Variants in LDB1 observed in about 807,000 individuals in gnomAD.
LDB1 encodes the protein LIM domain binding 1.
LDB1 carries 6 observed loss-of-function variants against 49.7 expected under a neutral mutation model. The observed-to-expected ratio is 0.12, with a 90% CI of 0.07 to 0.24. LDB1 has a LOEUF of 0.24. LDB1 is among the 10% of genes least tolerant of loss of function. The probability of loss-of-function intolerance (pLI) is 1.00; values close to 1 mark genes in which losing one functional copy is unlikely to be tolerated. For synonymous variants in LDB1, 233 were observed against 202.0 expected (o/e 1.15, Z -1.30); for missense variants, 341 against 561.7 (o/e 0.61, Z 3.97).
At chr10:102,110,158 T>G in intron 6 of LDB1, 115 bp from the exon 7 acceptor site, 1 of 1,186,004 alleles carries the variant, frequency 8.4e-7, no homozygotes. Context: ...TTTTGTCACC[T>G]GCACATTAAA....
At chr10:102,120,005 A>G in intron 1 of LDB1, 81 bp downstream of exon 1, 1 of 1,149,968 alleles carries the variant, frequency 8.7e-7, no homozygotes, top group Non-Finnish European at 1.2e-6. Flanking sequence ...CCCCCCACAC[A>G]AGTTCTCGCC....
At chr10:102,120,605 C>T (rs1172928443), upstream of LDB1, among the ~76,000 whole-genome samples, 2 of 151,670 alleles carry the variant, frequency 1.3e-5, no homozygotes, top group Non-Finnish European at 2.9e-5. Flanking sequence ...GTGCGTGCGC[C>T]GCGCGGCGGG....
At chr10:102,114,576 G>C in intron 1 of LDB1, 7 of 985,564 alleles carry the variant, frequency 7.1e-6, no homozygotes, top group Non-Finnish European at 8.4e-6. Context: ...AGACTCGCAC[G>C]CACTGCCTCG....
In LDB1 at chr10:102,120,195, C is replaced by G. The variant is rs1262793224; in HGVS notation, c.-85G>C. 5.6e-6 allele frequency: 6 copies of G among 1,076,688 alleles called. No homozygotes were observed. Among genetic ancestry groups the G allele is most frequent in the Non-Finnish European group, 6.8e-6 (6 of 888,122 alleles). 66.7% of individuals were successfully genotyped at this position (1,076,688 alleles called of 1,614,324 possible). A position where few individuals can be genotyped will look rare whatever the true frequency, so the allele number is the denominator to read the frequency against. On this transcript the variant is annotated 5_prime_UTR_variant, in exon 1 of 11. Coordinates refer to ENST00000673968, the MANE Select transcript of LDB1 (RefSeq NM_001113407.3). ...CAGGCCGGGCATGAGCCGCCGCCGC[C>G]GCCCGCGGCCCCCGCTGCGCTCGCC...
At chr10:102,105,263 G>T (rs548694058), downstream of LDB1, among the ~76,000 whole-genome samples, 1 of 152,172 alleles carries the variant, frequency 6.6e-6, no homozygotes, top group Non-Finnish European at 1.5e-5. Context: ...GAAGAGTTGG[G>T]GGTGGGGTGC....
In LDB1 at chr10:102,109,726, T is replaced by A; in HGVS notation, c.649-43A>T. On this transcript the variant is annotated intron_variant, in intron 7 of 10. Transcript: ENST00000673968. The surrounding 1 kb of genome is among the most constrained non-coding windows in gnomAD (Gnocchi z 5.8). The stretch of plus-strand genomic sequence containing the variant: ...ACAAGAAAGAACACTGACACCTGGG[T>A]TGCCTCTGCTCACCTGCCCTATCAT... The A allele has an allele frequency of 6.3e-7, 1 of 1,595,314 alleles. No individual in the cohort carries two copies. The highest frequency in any genetic ancestry group is 8.6e-7 in the Non-Finnish European group (1 of 1,163,226).
rs1158016316 is a variant in LDB1, at chr10:102,109,290, C to G, written c.856+94G>C. On this transcript the variant is annotated intron_variant, in intron 9 of 10. Coordinates refer to ENST00000673968, the MANE Select transcript of LDB1 (RefSeq NM_001113407.3). This position sits in a 1 kb window ranked among gnomAD's most constrained non-coding sequence, Gnocchi z 5.8. ...GATCCCAATTTTGTAGACCCGGGAA[C>G]AAGGAAGGGGTGGGGAAAACTTCAA... 6.2e-7 allele frequency: 1 copy of G among 1,603,328 alleles called. No individual in the cohort carries two copies. The highest frequency in any genetic ancestry group is 8.5e-7 in the Non-Finnish European group (1 of 1,174,274).
chr10:102,113,040 C>G lies in LDB1; in HGVS notation c.26-1504G>C, dbSNP rs58416006. Among the ~76,000 whole-genome samples, 37 of 151,764 alleles carry G rather than the reference C, an allele frequency of 2.4e-4. 1 individual carries two copies. The South Asian group carries it at 7.5e-3, about 31-fold the overall frequency. On this transcript the variant is annotated intron_variant, in intron 1 of 10. Coordinates refer to ENST00000673968, the MANE Select transcript of LDB1 (RefSeq NM_001113407.3). ...TTTGCTTCCTTGGGTCCCTAAAACTCGACTGCATTTGGAAGGGTAGCTAGA... is the reference window on the plus strand; with the variant it reads ...TTTGCTTCCTTGGGTCCCTAAAACTGGACTGCATTTGGAAGGGTAGCTAGA...
chr10:102,110,107 T>C (rs2068229857), intron 6 of LDB1, 64 bp from the exon 7 acceptor site: 2 of 1,539,892 alleles, frequency 1.3e-6, no homozygotes, highest in East Asian at 4.5e-5. Context: ...GTATGTCTAT[T>C]ACAGTCTCCC....
intron 6 of LDB1, 38 bp from the exon 7 acceptor site, chr10:102,110,081 C>A: frequency 6.3e-7 from 1 of 1,594,508 alleles, no homozygotes. Context: ...CCCCTCCCCA[C>A]ATACCATACC....
At chr10:102,119,704 G>C (rs184478442) in intron 1 of LDB1, among the ~76,000 whole-genome samples, 1 of 147,966 alleles carries the variant, frequency 6.8e-6, no homozygotes, top group Non-Finnish European at 1.5e-5. Context: ...CAGGGAAGGG[G>C]GGGCAGCCCA....
intron 1 of LDB1, among the ~76,000 whole-genome samples, chr10:102,113,342 C>T (rs2068283013): frequency 2.0e-5 from 3 of 152,194 alleles, no homozygotes; most frequent in African/African-American, 7.2e-5. Context: ...GGGCTGGAAC[C>T]CAGCAGCCCC....
intron 1 of LDB1, 29 bp downstream of exon 1, chr10:102,120,057 G>A (rs936551819): frequency 2.1e-6 from 3 of 1,428,350 alleles, no homozygotes; most frequent in African/African-American, 3.0e-5. Flanking sequence ...TGGGCAGGAA[G>A]GGGCCGAGTG....
At chr10:102,105,082 G>A (rs1314487307), downstream of LDB1, among the ~76,000 whole-genome samples, 1 of 151,988 alleles carries the variant, frequency 6.6e-6, no homozygotes, top group East Asian at 1.9e-4. Context: ...AACAGATCCA[G>A]GCCCTCCCTA....
chr10:102,116,430 C>T (rs1053001274), intron 1 of LDB1, among the ~76,000 whole-genome samples: 2 of 152,194 alleles, frequency 1.3e-5, no homozygotes, highest in African/African-American at 4.8e-5. Context: ...ATCCACCCAC[C>T]TTGGCCTCCC....
In LDB1 at chr10:102,110,988, C is replaced by T. The variant is rs751164059; in HGVS notation, c.250-17G>A. On this transcript the variant is annotated splice_polypyrimidine_tract_variant and intron_variant, in intron 4 of 10. Coordinates refer to ENST00000673968, the MANE Select transcript of LDB1 (RefSeq NM_001113407.3). Reference sequence around the variant, plus strand: ...GTCACACTCCTAGGGAGCATGGTAACGGGTGTTCATGTGTCATAAGATATC... The same window carrying T: ...GTCACACTCCTAGGGAGCATGGTAATGGGTGTTCATGTGTCATAAGATATC... The T allele has an allele frequency of 1.1e-5, 17 of 1,612,400 alleles. No homozygotes were observed. The highest frequency in any genetic ancestry group is 4.0e-5 in the African/African-American group (3 of 74,844).
At chr10:102,121,224 C>T (rs1051744114), upstream of LDB1, among the ~76,000 whole-genome samples, 3 of 152,052 alleles carry the variant, frequency 2.0e-5, no homozygotes, top group Admixed American at 6.6e-5. Context: ...CAGACTGACG[C>T]ATCAGTCAAG....
chr10:102,103,462 T>G (rs539145063), downstream of LDB1, among the ~76,000 whole-genome samples: 5 of 152,080 alleles, frequency 3.3e-5, no homozygotes, highest in Middle Eastern at 3.4e-3. Context: ...CACCTCAGCC[T>G]CCCAAGTAGC....
At chr10:102,113,385 C>A (rs1197977256) in intron 1 of LDB1, among the ~76,000 whole-genome samples, 2 of 152,200 alleles carry the variant, frequency 1.3e-5, no homozygotes, top group African/African-American at 4.8e-5. Flanking sequence ...CAGGCCCTCA[C>A]CCCATGCACG....
Sources: gnomAD v4.1 joint callset for allele counts (sites outside exome capture counted in the v4.1 genomes callset) on GRCh38, gnomAD v4.1.1 for gene constraint, Gnocchi (gnomAD v3.1) non-coding constraint, MANE v1.5 for transcripts, NCBI Gene and HGNC (gene_info 2026-07-23, HGNC 2026-07-21) for gene names.